Variants in ATP13A5 observed in about 807,000 individuals in gnomAD.
ATP13A5 encodes probable cation-transporting ATPase 13A5.
Under a neutral mutation model 150.2 loss-of-function variants are expected in ATP13A5, and 149 were observed. The ratio of observed to expected loss-of-function variants is 0.99; its 90% CI spans 0.87 to 1.14. The LOEUF (loss-of-function observed/expected upper bound fraction) is 1.14, where lower values mean the gene tolerates loss of function less well. Among genes scored for constraint, ATP13A5 ranks in the 50% most tolerant of loss-of-function variants. The pLI is 0.00. For missense variants in ATP13A5, 1,383 were observed against 1,449.3 expected, an observed-to-expected ratio of 0.95 and a Z score of 0.74; for synonymous variants, 497 against 522.2, an observed-to-expected ratio of 0.95 and a Z score of 0.66.
chr3:193,364,356 A>C, intron 1 of ATP13A5, 76 bp from the exon 2 acceptor site: 1 of 1,515,130 alleles, frequency 6.6e-7, no homozygotes, highest in Non-Finnish European at 8.9e-7. Flanking sequence ...CAATAAACCA[A>C]ACTTGAGATG....
intron 17 of ATP13A5, among the ~76,000 whole-genome samples, chr3:193,318,008 A>G (rs527783793): frequency 3.3e-5 from 5 of 152,370 alleles, no homozygotes; most frequent in African/African-American, 1.2e-4. Flanking sequence ...AATAGCTAAC[A>G]CCTGGAATGT....
At chr3:193,349,938 C>T (rs974469256) in intron 7 of ATP13A5, among the ~76,000 whole-genome samples, 20 of 152,076 alleles carry the variant, frequency 1.3e-4, no homozygotes, top group African/African-American at 4.8e-4. Flanking sequence ...AGAACACGCC[C>T]ATACTGTAGT....
At chr3:193,342,223 T>C (rs374199667) in intron 9 of ATP13A5, among the ~76,000 whole-genome samples, 5 of 152,234 alleles carry the variant, frequency 3.3e-5, no homozygotes, top group African/African-American at 9.6e-5. Context: ...TAAAGACTTC[T>C]ATCTATGCAA....
intron 25 of ATP13A5, among the ~76,000 whole-genome samples, chr3:193,296,453 G>A (rs571574200): frequency 2.2e-4 from 33 of 151,910 alleles, no homozygotes; most frequent in Non-Finnish European, 3.1e-4. Context: ...TCCTTTCCCC[G>A]TTGCTTGTTT....
intron 9 of ATP13A5, among the ~76,000 whole-genome samples, chr3:193,336,568 A>G (rs1253613351): frequency 6.6e-6 from 1 of 152,216 alleles, no homozygotes; most frequent in Non-Finnish European, 1.5e-5. Flanking sequence ...ACATGAACTC[A>G]TCCGTTTTTA....
At chr3:193,335,191 A>C (rs1711807378) in intron 9 of ATP13A5, 92 bp from the exon 10 acceptor site, 3 of 1,209,280 alleles carry the variant, frequency 2.5e-6, no homozygotes, top group Non-Finnish European at 3.6e-6. Context: ...TACAAACCAC[A>C]ACTAATCCGG....
At chr3:193,343,771 G>C (rs1712216503) in intron 9 of ATP13A5, among the ~76,000 whole-genome samples, 156 bp downstream of exon 9, 1 of 152,132 alleles carries the variant, frequency 6.6e-6, no homozygotes, top group Non-Finnish European at 1.5e-5. Flanking sequence ...TTTCCTGTTT[G>C]TGTATATTGT....
Position 193,363,405 on chromosome 3 carries a change from T to G in ATP13A5, c.238-23A>C, listed in dbSNP as rs369918379. On this transcript the variant is annotated intron_variant, in intron 2 of 29. Transcript: ENST00000342358. ...GTCCTGGAAAAGACAATCCAGTTCA[T>G]GAAATTCTCAAGTGTTATTCAGTAA... 1.9e-6 allele frequency: 3 copies of G among 1,603,792 alleles called. No homozygotes were observed. The African/African-American group carries it at 4.0e-5, about 21-fold the overall frequency.
intron 1 of ATP13A5, among the ~76,000 whole-genome samples, chr3:193,372,936 A>G (rs772610131): frequency 1.3e-5 from 2 of 152,178 alleles, no homozygotes; most frequent in Non-Finnish European, 2.9e-5. Context: ...CCTTTACCTC[A>G]TTCAACCTGA....
At position 193,333,768 on chromosome 3, in the gene ATP13A5, C is replaced by T. The variant is rs761277664; in HGVS notation, c.1254G>A (p.Gly418=). ...TACTTACTCCATGGTACATATATACCCCTAGGGCATAGAAAAAACCCATGA... is the reference window on the plus strand; with the variant it reads ...TACTTACTCCATGGTACATATATACTCCTAGGGCATAGAAAAAACCCATGA... ...LGVMGFFYAL[G]VYMYHGVPPK... The change falls in exon 11 of 30, where the codon GGG becomes GGA. Residue 418 remains glycine (G), a synonymous_variant. Transcript: ENST00000342358. The T allele has an allele frequency of 1.2e-6, 2 of 1,613,680 alleles. No homozygotes were observed. Among genetic ancestry groups the T allele is most frequent in the Non-Finnish European group, 1.7e-6 (2 of 1,179,768 alleles).
At chr3:193,275,532 T>A (rs1717155410) in intron 29 of ATP13A5, among the ~76,000 whole-genome samples, 1 of 152,176 alleles carries the variant, frequency 6.6e-6, no homozygotes. Flanking sequence ...TTTCACACAT[T>A]TCCTGGTTAA....
chr3:193,301,939 G>A (rs965992697), intron 23 of ATP13A5, among the ~76,000 whole-genome samples: 2 of 152,154 alleles, frequency 1.3e-5, no homozygotes, highest in African/African-American at 4.8e-5. Flanking sequence ...TTAAAAAGTA[G>A]ATATTTCTCC....
intron 27 of ATP13A5, among the ~76,000 whole-genome samples, chr3:193,280,721 A>G (rs1246793345): frequency 6.6e-6 from 1 of 152,198 alleles, no homozygotes; most frequent in African/African-American, 2.4e-5. Context: ...CCTTAGAAAT[A>G]TTATTTTTTA....
intron 5 of ATP13A5, among the ~76,000 whole-genome samples, chr3:193,360,335 A>C (rs1712957854): frequency 6.6e-6 from 1 of 152,294 alleles, no homozygotes; most frequent in South Asian, 2.1e-4. Flanking sequence ...CCCATAGAAA[A>C]AGTTTGCATG....
chr3:193,315,872 G>GTGTC (rs1213044567), intron 17 of ATP13A5, among the ~76,000 whole-genome samples: 1 of 151,762 alleles, frequency 6.6e-6, no homozygotes, highest in Admixed American at 6.6e-5. Flanking sequence ...TGTTTTATGT[G>GTGTC]TGTGTGTGTG....
At chr3:193,352,007 A>G (rs1307960347) in intron 6 of ATP13A5, among the ~76,000 whole-genome samples, 2 of 152,236 alleles carry the variant, frequency 1.3e-5, no homozygotes, top group East Asian at 3.8e-4. Context: ...TGAACTAAAG[A>G]GCCCATCAGA....
intron 7 of ATP13A5, among the ~76,000 whole-genome samples, chr3:193,345,898 C>G (rs1712316893): frequency 6.6e-6 from 1 of 152,040 alleles, no homozygotes; most frequent in Admixed American, 6.6e-5. Context: ...AACAACAAAG[C>G]TAAATGTTCT....
At chr3:193,354,940 C>CTTTTTTTTTTCTTTTTT (rs545467259) in intron 5 of ATP13A5, among the ~76,000 whole-genome samples, 1 of 127,914 alleles carries the variant, frequency 7.8e-6, no homozygotes. Context: ...AACAATGTAA[C>CTTTTTTTTTTCTTTTTT]TTTTTTTTTG....
At chr3:193,331,679 A>T (rs375460065) in intron 11 of ATP13A5, among the ~76,000 whole-genome samples, 20 of 152,292 alleles carry the variant, frequency 1.3e-4, no homozygotes, top group African/African-American at 4.8e-4. Context: ...ATAATTAAAA[A>T]CTAGGACCAA....
Sources: allele counts gnomAD v4.1 joint callset (sites outside exome capture counted in the v4.1 genomes callset), GRCh38; gene constraint gnomAD v4.1.1; transcripts MANE v1.5; gene names NCBI Gene and HGNC (gene_info 2026-07-23, HGNC 2026-07-21).